The following GABRB1 variants were observed in gnomAD, a reference collection of about 807,000 sequenced individuals.
The protein encoded by GABRB1 is gamma-aminobutyric acid receptor subunit beta-1.
A neutral mutation model predicts 51.6 loss-of-function variants in GABRB1; 17 were observed. That is an observed-to-expected ratio of 0.33 (90% CI 0.23 to 0.49). The LOEUF is 0.49. Ranked by LOEUF, GABRB1 falls within the 20% of genes least tolerant of loss-of-function variation. The pLI is 0.99. For synonymous variants in GABRB1, 247 were observed against 218.9 expected (o/e 1.13, Z -1.14); for missense variants, 410 against 600.6 (o/e 0.68, Z 3.32).
intron 3 of GABRB1, among the ~76,000 whole-genome samples, chr4:47,159,995 A>G (rs555880502): frequency 3.3e-5 from 5 of 152,094 alleles, no homozygotes; most frequent in Non-Finnish European, 7.4e-5. Context: ...AGACTTTAGG[A>G]TTTTACTGCT....
intron 4 of GABRB1, among the ~76,000 whole-genome samples, chr4:47,278,158 G>T (rs1481787961): frequency 6.6e-6 from 1 of 152,122 alleles, no homozygotes; most frequent in African/African-American, 2.4e-5. Flanking sequence ...TCTATAAAAT[G>T]AGAATAATAG....
At chr4:47,258,984 T>A (rs778630279) in intron 4 of GABRB1, among the ~76,000 whole-genome samples, 1 of 152,114 alleles carries the variant, frequency 6.6e-6, no homozygotes, top group Non-Finnish European at 1.5e-5. Context: ...CCTTGGAGCT[T>A]TAATCAAGTG....
chr4:47,144,909 C>A (rs908304689), intron 3 of GABRB1, among the ~76,000 whole-genome samples: 29 of 151,720 alleles, frequency 1.9e-4, no homozygotes, highest in African/African-American at 5.8e-4. Flanking sequence ...CATGCCAAGC[C>A]GAATGTATGA....
chr4:47,062,010 C>A (rs188383554), intron 3 of GABRB1, among the ~76,000 whole-genome samples: 1 of 152,162 alleles, frequency 6.6e-6, no homozygotes, highest in Non-Finnish European at 1.5e-5. Context: ...TTTATCTTCA[C>A]CTTGCAAAGC....
chr4:47,346,680 G>T (rs1177462155), intron 5 of GABRB1, among the ~76,000 whole-genome samples: 1 of 152,200 alleles, frequency 6.6e-6, no homozygotes, highest in Non-Finnish European at 1.5e-5. Flanking sequence ...GTCCCTACAG[G>T]AATTTAGAAT....
At chr4:46,994,368 CTTT>C (rs1359053452) in intron 1 of GABRB1, 2 of 150,502 alleles carry the variant, frequency 1.3e-5, no homozygotes, top group East Asian at 2.0e-4. Flanking sequence ...CGACACTCTT[CTTT>C]TTCAGAATGG....
chr4:47,359,874 GC>G (rs1416982009), intron 5 of GABRB1, among the ~76,000 whole-genome samples: 10 of 151,956 alleles, frequency 6.6e-5, no homozygotes, highest in Non-Finnish European at 1.5e-4. Flanking sequence ...ATGAGATGGT[GC>G]CTGAATATTA....
intron 4 of GABRB1, among the ~76,000 whole-genome samples, chr4:47,171,760 G>A (rs763240910): frequency 4.6e-5 from 7 of 152,020 alleles, no homozygotes; most frequent in Non-Finnish European, 8.8e-5. Flanking sequence ...ATAGAATTGA[G>A]ATAATACTAT....
intron 3 of GABRB1, among the ~76,000 whole-genome samples, chr4:47,156,845 G>C (rs953011241): frequency 6.6e-6 from 1 of 151,948 alleles, no homozygotes; most frequent in Middle Eastern, 3.2e-3. Flanking sequence ...GTGAACACCT[G>C]TAATCTCAGC....
At chr4:47,123,791 A>G (rs1171900812) in intron 3 of GABRB1, among the ~76,000 whole-genome samples, 3 of 80,498 alleles carry the variant, frequency 3.7e-5, no homozygotes, top group Middle Eastern at 6.4e-3. Flanking sequence ...TATTATATAT[A>G]ATATATTATA....
intron 3 of GABRB1, among the ~76,000 whole-genome samples, chr4:47,051,170 G>A (rs557041143): frequency 3.3e-5 from 5 of 152,290 alleles, no homozygotes; most frequent in South Asian, 4.2e-4. Context: ...AAAAAAAGAC[G>A]GGGATTTCAG....
intron 3 of GABRB1, among the ~76,000 whole-genome samples, chr4:47,087,515 G>GGC (rs1323216190): frequency 6.6e-6 from 1 of 151,856 alleles, no homozygotes; most frequent in East Asian, 1.9e-4. Flanking sequence ...CTAACTCTGA[G>GGC]GCGCTGCATC....
intron 3 of GABRB1, among the ~76,000 whole-genome samples, chr4:47,126,416 T>C (rs1008904719): frequency 2.6e-5 from 4 of 152,164 alleles, no homozygotes; most frequent in Non-Finnish European, 5.9e-5. Flanking sequence ...TTATAAGTAT[T>C]CTCACCACAT....
At chr4:47,225,486 C>T (rs1720913078) in intron 4 of GABRB1, among the ~76,000 whole-genome samples, 2 of 152,172 alleles carry the variant, frequency 1.3e-5, no homozygotes, top group South Asian at 4.1e-4. Context: ...CTGTTTTCTC[C>T]TATTTTTCTT....
intron 4 of GABRB1, among the ~76,000 whole-genome samples, chr4:47,301,929 T>A (rs1356023720): frequency 1.3e-5 from 2 of 152,316 alleles, no homozygotes; most frequent in East Asian, 3.9e-4. Context: ...GAAGGTGAGA[T>A]AATTTTGACT....
chr4:47,398,639 C>T (rs1477972020), intron 5 of GABRB1, among the ~76,000 whole-genome samples: 1 of 152,194 alleles, frequency 6.6e-6, no homozygotes, highest in Non-Finnish European at 1.5e-5. Context: ...GGATGGAGTG[C>T]AGTGGCGCCA....
At chr4:47,352,564 C>A (rs1488242579) in intron 5 of GABRB1, among the ~76,000 whole-genome samples, 1 of 152,088 alleles carries the variant, frequency 6.6e-6, no homozygotes, top group Non-Finnish European at 1.5e-5. Context: ...AAAGCTTATC[C>A]ACCATGATCA....
At chr4:47,006,236 A>T (rs769518027) in intron 1 of GABRB1, among the ~76,000 whole-genome samples, 18 of 152,110 alleles carry the variant, frequency 1.2e-4, no homozygotes, top group Non-Finnish European at 2.2e-4. Flanking sequence ...AAATTTCATA[A>T]GTCTACCAAT....
Position 47,042,414 on chromosome 4 carries a change from G to GTA in GABRB1, c.240+9955_240+9956dup, listed in dbSNP as rs764850015. On this transcript the variant is annotated intron_variant, in intron 3 of 8. Transcript: ENST00000295454. ...GTGTACATGTATGTGTATGTGTACA[G>GTA]TATATATATATATATATATATATAT... Among the ~76,000 whole-genome samples, 254 of 47,008 alleles carry GTA rather than the reference G, an allele frequency of 5.4e-3. 1 individual carries two copies. Among genetic ancestry groups the GTA allele is most frequent in the African/African-American group, 0.014 (235 of 16,446 alleles). The allele number at this position is 47,008 out of a possible 152,430, so 30.8% of individuals were successfully genotyped here.
Sources: gnomAD v4.1 joint callset for allele counts (sites outside exome capture counted in the v4.1 genomes callset) on GRCh38, gnomAD v4.1.1 for gene constraint, MANE v1.5 for transcripts, NCBI Gene and HGNC (gene_info 2026-07-23, HGNC 2026-07-21) for gene names.